Variants in METTL25 observed in about 807,000 individuals in gnomAD.
METTL25 encodes methyltransferase like 25.
A neutral mutation model predicts 71.6 loss-of-function variants in METTL25; 64 were observed. The observed-to-expected ratio is 0.89, with a 90% CI of 0.73 to 1.10. The LOEUF (loss-of-function observed/expected upper bound fraction) is 1.10. Among genes scored for constraint, METTL25 ranks in the 50% least tolerant of loss-of-function variants. The pLI is 0.00. For missense variants in METTL25, 807 were observed against 707.0 expected, an observed-to-expected ratio of 1.14 and a Z score of -1.60; for synonymous variants, 287 against 250.3, an observed-to-expected ratio of 1.15 and a Z score of -1.38.
In METTL25 at chr12:82,401,264, G is replaced by A. The variant is rs1886599485; in HGVS notation, c.1132-1719G>A. Among the ~76,000 whole-genome samples, 4 of 152,054 alleles carry A rather than the reference G, an allele frequency of 2.6e-5. No homozygotes were observed. The South Asian group carries it at 8.3e-4, about 32-fold the overall frequency. Reference sequence around the variant, plus strand: ...TAAAATAATTTTTAAAAATGTTAGTGAAACAATTATATGCTGACAATAGTT... The same window carrying A: ...TAAAATAATTTTTAAAAATGTTAGTAAAACAATTATATGCTGACAATAGTT... On this transcript the variant is annotated intron_variant, in intron 4 of 11. Transcript: ENST00000248306.
At chr12:82,437,883 A>G (rs1439618190) in intron 7 of METTL25, among the ~76,000 whole-genome samples, 1 of 151,534 alleles carries the variant, frequency 6.6e-6, no homozygotes, top group Admixed American at 6.6e-5. Context: ...GTTGTTGCTG[A>G]CATTATTTTG....
At chr12:82,465,493 A>G (rs963411728) in intron 9 of METTL25, among the ~76,000 whole-genome samples, 3 of 151,866 alleles carry the variant, frequency 2.0e-5, no homozygotes, top group Non-Finnish European at 4.4e-5. Flanking sequence ...TGTTGGATTC[A>G]GTTTGCTAGT....
At chr12:82,409,620 C>T (rs1887393604) in intron 5 of METTL25, among the ~76,000 whole-genome samples, 1 of 152,196 alleles carries the variant, frequency 6.6e-6, no homozygotes, top group East Asian at 1.9e-4. Context: ...AAATTTGTGA[C>T]TGATCTGCTC....
intron 7 of METTL25, 85 bp downstream of exon 7, chr12:82,434,809 A>G: frequency 9.5e-7 from 1 of 1,049,600 alleles, no homozygotes; most frequent in East Asian, 2.4e-5. Flanking sequence ...CTTAAAACCT[A>G]ATGGAATTTA....
chr12:82,410,654 A>G (rs1372239360), intron 5 of METTL25, among the ~76,000 whole-genome samples: 1 of 152,110 alleles, frequency 6.6e-6, no homozygotes, highest in African/African-American at 2.4e-5. Flanking sequence ...ATCAAGAAGA[A>G]TTATAAACAA....
At chr12:82,448,252 A>T (rs1239753694) in intron 8 of METTL25, among the ~76,000 whole-genome samples, 2 of 152,126 alleles carry the variant, frequency 1.3e-5, no homozygotes, top group African/African-American at 4.8e-5. Flanking sequence ...TTGAAACATT[A>T]TCCTGAAAGT....
At chr12:82,449,836 C>T (rs1203925996) in intron 8 of METTL25, among the ~76,000 whole-genome samples, 1 of 151,742 alleles carries the variant, frequency 6.6e-6, no homozygotes, top group African/African-American at 2.4e-5. Flanking sequence ...AACCACTGTC[C>T]TATGTTGGTT....
chr12:82,477,231 C>CT lies in METTL25; in HGVS notation c.1648-40dup, dbSNP rs746236363. On this transcript the variant is annotated intron_variant, in intron 10 of 11. Transcript: ENST00000248306. ...CATAAGTTTAAGGAAATAAGCTAGT[C>CT]TTTTTTTTTTAAGTACCACCAACCT... 4,878 of 710,622 alleles carry CT rather than the reference C, an allele frequency of 6.9e-3. 1 individual carries two copies. The highest frequency in any genetic ancestry group is 9.9e-3 in the South Asian group (435 of 44,022). The allele number at this position is 710,622 out of a possible 1,614,324, so 44.0% of individuals were successfully genotyped here.
At chr12:82,478,859 A>G (rs1893035412) in intron 11 of METTL25, 73 bp from the exon 12 acceptor site, 1 of 1,159,676 alleles carries the variant, frequency 8.6e-7, no homozygotes, top group Non-Finnish European at 1.3e-6. Context: ...ATATTACAAT[A>G]TATAATCCAA....
intron 9 of METTL25, among the ~76,000 whole-genome samples, chr12:82,463,847 A>AT (rs956115546): frequency 5.9e-5 from 9 of 151,338 alleles, no homozygotes; most frequent in South Asian, 2.1e-4. Flanking sequence ...GATGTTGAGC[A>AT]TTTTTTTTCT....
intron 5 of METTL25, among the ~76,000 whole-genome samples, chr12:82,405,105 A>T (rs1051460185): frequency 6.6e-6 from 1 of 152,080 alleles, no homozygotes; most frequent in Non-Finnish European, 1.5e-5. Context: ...GTGCTTTCTT[A>T]AGACTGCCAT....
At chr12:82,386,539 T>A (rs1193617683) in intron 1 of METTL25, among the ~76,000 whole-genome samples, 5 of 149,884 alleles carry the variant, frequency 3.3e-5, no homozygotes, top group Admixed American at 6.7e-5. Flanking sequence ...TCTGTCTCTT[T>A]CTTTCCATAA....
intron 1 of METTL25, among the ~76,000 whole-genome samples, chr12:82,366,957 G>A (rs1008006995): frequency 6.6e-6 from 1 of 152,198 alleles, no homozygotes; most frequent in Non-Finnish European, 1.5e-5. Flanking sequence ...GTAAGAGAGA[G>A]CTGCAATGCA....
Position 82,471,724 on chromosome 12 carries a change from G to A in METTL25, c.1573-4920G>A, listed in dbSNP as rs188703901. On this transcript the variant is annotated intron_variant, in intron 9 of 11. Transcript: ENST00000248306. ...GAAAACCATTATAGATTCTGAAGCAGTTTGGAGAACTTATTTAAAAATACT... is the reference window on the plus strand; with the variant it reads ...GAAAACCATTATAGATTCTGAAGCAATTTGGAGAACTTATTTAAAAATACT... Among the ~76,000 whole-genome samples, 24 of 152,306 alleles carry A rather than the reference G, an allele frequency of 1.6e-4. No individual in the cohort carries two copies. The East Asian group carries it at 4.4e-3, about 28-fold the overall frequency.
chr12:82,414,771 A>T (rs566215081), intron 5 of METTL25, among the ~76,000 whole-genome samples: 1 of 152,140 alleles, frequency 6.6e-6, no homozygotes, highest in East Asian at 1.9e-4. Flanking sequence ...TTATATATAA[A>T]TCGAGATTTT....
intron 1 of METTL25, among the ~76,000 whole-genome samples, chr12:82,375,816 A>G (rs1883789717): frequency 6.6e-6 from 1 of 152,224 alleles, no homozygotes; most frequent in African/African-American, 2.4e-5. Context: ...AGATCAGTGG[A>G]ATTTATCCCT....
chr12:82,460,944 C>T (rs1162213699), intron 9 of METTL25, among the ~76,000 whole-genome samples: 1 of 152,108 alleles, frequency 6.6e-6, no homozygotes, highest in Admixed American at 6.5e-5. Context: ...GAGATGGAGA[C>T]CATCCTGGCT....
intron 2 of METTL25, 37 bp downstream of exon 2, chr12:82,387,004 G>T: frequency 1.9e-6 from 3 of 1,543,016 alleles, no homozygotes; most frequent in South Asian, 1.2e-5. Flanking sequence ...GTGCTTTTTA[G>T]GTACTTAGAA....
At chr12:82,441,590 C>T (rs543819377) in intron 8 of METTL25, among the ~76,000 whole-genome samples, 6 of 151,608 alleles carry the variant, frequency 4.0e-5, no homozygotes, top group South Asian at 2.1e-4. Flanking sequence ...TAGGGGTTTC[C>T]GGACCGAAGG....
Sources: allele counts gnomAD v4.1 joint callset (sites outside exome capture counted in the v4.1 genomes callset), GRCh38; gene constraint gnomAD v4.1.1; transcripts MANE v1.5; gene names NCBI Gene and HGNC (gene_info 2026-07-23, HGNC 2026-07-21).